The following SLC4A9 variants were observed in gnomAD, a reference collection of about 807,000 sequenced individuals.
The protein encoded by SLC4A9 is anion exchange protein 4.
SLC4A9 carries 102 observed loss-of-function variants against 103.2 expected under a neutral mutation model. That is an observed-to-expected ratio of 0.99 (90% CI 0.84 to 1.17). The LOEUF (loss-of-function observed/expected upper bound fraction) is 1.17. Ranked by LOEUF, SLC4A9 falls within the 50% of genes most tolerant of loss-of-function variation. The probability of loss-of-function intolerance (pLI) is 0.00; values close to 1 mark genes in which losing one functional copy is unlikely to be tolerated. For synonymous variants in SLC4A9, 453 were observed against 483.6 expected, an observed-to-expected ratio of 0.94 and a Z score of 0.83; for missense variants, 1,091 against 1,193.7, an observed-to-expected ratio of 0.91 and a Z score of 1.27.
At chr5:140,365,675 T>G in intron 12 of SLC4A9, 97 bp downstream of exon 12, 2 of 1,456,602 alleles carry the variant, frequency 1.4e-6, no homozygotes, top group Non-Finnish European at 1.9e-6. Flanking sequence ...TAAGGAAACC[T>G]TCATAGGTGA....
chr5:140,364,198 TC>T lies in SLC4A9; in HGVS notation c.1388+17del. ...CTTCTCTTTCAGCAGGTAGGAGAGC[TC>T]CCCCCATCACCGGACCCTCACTAGT... is the stretch of plus-strand genomic sequence containing the variant. On this transcript the variant is annotated intron_variant, in intron 10 of 21. Transcript: ENST00000506757. The T allele has an allele frequency of 6.4e-7, 1 of 1,562,640 alleles. No individual in the cohort carries two copies. The highest frequency in any genetic ancestry group is 8.7e-7 in the Non-Finnish European group (1 of 1,153,540).
chr5:140,366,105 G>A (rs1767843334), intron 13 of SLC4A9, 46 bp from the exon 14 acceptor site: 1 of 1,608,544 alleles, frequency 6.2e-7, no homozygotes, highest in Admixed American at 1.7e-5. Context: ...TGTGGAAAAA[G>A]AGAGATGGCA....
chr5:140,371,231 A>C, intron 18 of SLC4A9, 68 bp downstream of exon 18: 1 of 1,516,062 alleles, frequency 6.6e-7, no homozygotes, highest in Non-Finnish European at 9.0e-7. Flanking sequence ...AAAGAACAAA[A>C]TTACCTAGCA....
Position 140,363,310 on chromosome 5 carries a change from G to A in SLC4A9, c.963-129G>A. The A allele has an allele frequency of 3.1e-6, 3 of 967,122 alleles. No individual in the cohort carries two copies. The highest frequency in any genetic ancestry group is 3.3e-5 in the South Asian group (2 of 60,524). 59.9% of individuals were successfully genotyped at this position (967,122 alleles called of 1,614,324 possible). On this transcript the variant is annotated intron_variant, in intron 7 of 21. Transcript: ENST00000506757. The surrounding 1 kb of genome is among the most constrained non-coding windows in gnomAD (Gnocchi z 4.5). ...ATGACCTGGACCTTCTAGAGGCCCA[G>A]GTGTCGCCATGGTTCCCTCGCCGGC...
In SLC4A9 at chr5:140,371,138, G is replaced by A. The variant is rs775779193; in HGVS notation, c.2471G>A (p.Gly824Glu). 4.3e-5 allele frequency: 70 copies of A among 1,611,910 alleles called. No individual in the cohort carries two copies. In the Admixed American group the frequency reaches 1.1e-3, roughly 25 times the overall value. The change falls in exon 18 of 22, where the codon GGG becomes GAG. Residue 824 changes from glycine (G) to glutamate (E), a missense_variant. Coordinates refer to ENST00000506757, the MANE Select transcript of SLC4A9 (RefSeq NM_031467.3). Reference sequence around the variant, plus strand: ...CTCTATGGCATCTTCCTGTATATGGGGGTGGCAGCGCTCAGCAGCATTCAG... The same window carrying A: ...CTCTATGGCATCTTCCTGTATATGGAGGTGGCAGCGCTCAGCAGCATTCAG... ...PVLYGIFLYM[G>E]VAALSSIQFT...
In SLC4A9 at chr5:140,367,864, GC is replaced by G; in HGVS notation, c.2325del (p.Glu777SerfsTer13). The G allele has an allele frequency of 6.2e-7, 1 of 1,613,918 alleles. No individual in the cohort carries two copies. Among genetic ancestry groups the G allele is most frequent in the African/African-American group, 1.3e-5 (1 of 75,038 alleles). On this transcript the variant is annotated frameshift_variant, in exon 16 of 22. Transcript: ENST00000506757. LOFTEE classifies it high-confidence loss of function. ...DSLRRESRAC[A>X]PGERPNFLGI... Reference sequence around the variant, plus strand: ...TCTTCGGAGAGAGAGCAGAGCCTGTGCCCCCGGGGAGCGCCCCAACTTCCTG... The same window carrying G: ...TCTTCGGAGAGAGAGCAGAGCCTGTGCCCCGGGGAGCGCCCCAACTTCCTG...
chr5:140,360,782 A>G (rs751813544), intron 1 of SLC4A9, 30 bp from the exon 2 acceptor site: 1 of 1,612,836 alleles, frequency 6.2e-7, no homozygotes, highest in East Asian at 2.2e-5. Context: ...AAATGCCCTC[A>G]ATAACACTGT....
rs34007675 is a variant in SLC4A9 at position 140,360,313 on chromosome 5, A to G, written c.77A>G (p.Asp26Gly). ...APRNIPSGEL[D>G]SNPDPGTGPS... ...AGAAATATTCCTTCAGGGGAGCTGG[A>G]CAGCAACCCTGACCCTGGCACCGGC... The change falls in exon 1 of 22, where the codon GAC becomes GGC. Residue 26 changes from aspartate to glycine, a missense_variant. Coordinates refer to ENST00000506757, the MANE Select transcript of SLC4A9 (RefSeq NM_031467.3). The G allele has an allele frequency of 1.8e-4, 285 of 1,612,316 alleles. 1 individual carries two copies. The African/African-American group carries it at 3.4e-3, about 19-fold the overall frequency.
chr5:140,369,830 C>T (rs148224282), intron 17 of SLC4A9, among the ~76,000 whole-genome samples: 184 of 151,934 alleles, frequency 1.2e-3, no homozygotes, highest in African/African-American at 4.1e-3. Flanking sequence ...GGCGAAACCC[C>T]GTCTCTACAA....
intron 14 of SLC4A9, 61 bp downstream of exon 14, chr5:140,366,325 G>A: frequency 8.3e-7 from 1 of 1,202,124 alleles, no homozygotes; most frequent in Non-Finnish European, 1.2e-6. Context: ...CAGACCATGG[G>A]GAAGGAAAAT....
At chr5:140,367,924 G>A (rs1768143888) in intron 16 of SLC4A9, 26 bp downstream of exon 16, 6 of 1,611,974 alleles carry the variant, frequency 3.7e-6, no homozygotes, top group Non-Finnish European at 4.2e-6. Context: ...AGGAAGTGGA[G>A]TAAGAGGTGG....
intron 11 of SLC4A9, 71 bp from the exon 12 acceptor site, chr5:140,365,449 A>G: frequency 5.0e-6 from 7 of 1,405,316 alleles, no homozygotes; most frequent in Non-Finnish European, 6.9e-6. Flanking sequence ...CCCATCAGAT[A>G]AGAATTTTAT....
intron 21 of SLC4A9, among the ~76,000 whole-genome samples, chr5:140,373,784 G>A (rs1228021998): frequency 6.6e-6 from 1 of 151,940 alleles, no homozygotes; most frequent in Non-Finnish European, 1.5e-5. Context: ...GTGAGATCCT[G>A]TCTCTAAAAA....
rs200602941 is a variant in SLC4A9, at chr5:140,361,256, C to A, written c.394C>A (p.Gln132Lys). 197 of 1,561,740 alleles carry A rather than the reference C, an allele frequency of 1.3e-4. 1 individual carries two copies. The African/African-American group carries it at 2.0e-3, about 16-fold the overall frequency. Residue 132 changes from glutamine to lysine, a missense_variant and splice_region_variant, in exon 3 of 22, where the codon CAG (glutamine) becomes AAG (lysine). By Grantham distance (53) the Gln-to-Lys change is moderately conservative. Coordinates refer to ENST00000506757, the MANE Select transcript of SLC4A9 (RefSeq NM_031467.3). The stretch of plus-strand genomic sequence containing the variant: ...ATGACCCCCAATCCATTCTCCAGAG[C>A]AGGTGACCAGGGTGGAGTCGCTGAG... ...PAQSLLELVE[Q>K]VTRVESLSPE... is the part of the protein sequence containing the mutation.
chr5:140,361,427 C>A, intron 3 of SLC4A9, 60 bp downstream of exon 3: 1 of 1,363,468 alleles, frequency 7.3e-7, no homozygotes, highest in African/African-American at 1.4e-5. Context: ...CTCAGATCTC[C>A]CCTGCACCTT....
At position 140,360,867 on chromosome 5, in the gene SLC4A9, C is replaced by A. The variant is rs765153275; in HGVS notation, c.286C>A (p.His96Asn). ...GGCTGCAGGCCGGTGGAGTGCCCCC[C>A]ACGTGCCCACCCTGGCACTGCCCAG... ...EVAAGRWSAP[H>N]VPTLALPSLQ... Residue 96 changes from histidine to asparagine, a missense_variant, in exon 2 of 22, where the codon CAC becomes AAC. Coordinates refer to ENST00000506757, the MANE Select transcript of SLC4A9 (RefSeq NM_031467.3). 104 of 1,612,568 alleles carry A rather than the reference C, an allele frequency of 6.4e-5. No individual in the cohort carries two copies. Among genetic ancestry groups the A allele is most frequent in the Non-Finnish European group, 8.4e-5 (99 of 1,179,658 alleles).
rs917014492 is a variant in SLC4A9, at chr5:140,360,539, C to T, written c.230+73C>T. On this transcript the variant is annotated intron_variant, in intron 1 of 21. Coordinates refer to ENST00000506757, the MANE Select transcript of SLC4A9 (RefSeq NM_031467.3). ...CTGGAGCCTCCTATATGTCCCCCAG[C>T]GCTTCTTATGGGGCTGCCCAAAATT... 39 of 1,380,254 alleles carry T rather than the reference C, an allele frequency of 2.8e-5. No homozygotes were observed. The Admixed American group carries it at 2.9e-4, about 10-fold the overall frequency. The allele number at this position is 1,380,254 out of a possible 1,614,324, so 85.5% of individuals were successfully genotyped here.
intron 17 of SLC4A9, among the ~76,000 whole-genome samples, chr5:140,370,062 A>C (rs571595567): frequency 2.8e-4 from 42 of 152,280 alleles, no homozygotes; most frequent in Admixed American, 8.5e-4. Flanking sequence ...AAAAACAAAC[A>C]AAAACCCACA....
In SLC4A9 at chr5:140,363,284, T is replaced by C. The variant is rs1471024254; in HGVS notation, c.963-155T>C. Reference sequence around the variant, plus strand: ...CGAGCCTGGCTTTCACAGGTCGCAATATGACCTGGACCTTCTAGAGGCCCA... The same window carrying C: ...CGAGCCTGGCTTTCACAGGTCGCAACATGACCTGGACCTTCTAGAGGCCCA... On this transcript the variant is annotated intron_variant, in intron 7 of 21. Transcript: ENST00000506757. This position sits in a 1 kb window ranked among gnomAD's most constrained non-coding sequence, Gnocchi z 4.5. Among the ~76,000 whole-genome samples, 27 of 152,156 alleles carry C rather than the reference T, an allele frequency of 1.8e-4. No homozygotes were observed. Among genetic ancestry groups the C allele is most frequent in the Admixed American group, 1.8e-3 (27 of 15,276 alleles).
Sources: gnomAD v4.1 joint callset for allele counts (sites outside exome capture counted in the v4.1 genomes callset) on GRCh38, gnomAD v4.1.1 for gene constraint, Gnocchi (gnomAD v3.1) non-coding constraint, MANE v1.5 for transcripts, NCBI Gene and HGNC (gene_info 2026-07-23, HGNC 2026-07-21) for gene names.